Variants in ADAM18 observed in about 807,000 individuals in gnomAD.
ADAM18 encodes the protein disintegrin and metalloproteinase domain-containing protein 18.
In ADAM18, 117 loss-of-function variants were observed where a neutral mutation model predicts 94.4. That is an observed-to-expected ratio of 1.24 (90% CI 1.07 to 1.45). ADAM18 has a LOEUF of 1.45. ADAM18 is among the 40% of genes most tolerant of loss of function. The pLI is 0.00. For missense variants in ADAM18, 936 were observed against 880.0 expected, an observed-to-expected ratio of 1.06 and a Z score of -0.81; for synonymous variants, 327 against 291.6, an observed-to-expected ratio of 1.12 and a Z score of -1.24.
intron 17 of ADAM18, among the ~76,000 whole-genome samples, chr8:39,706,503 T>C (rs760355521): frequency 7.2e-5 from 11 of 152,146 alleles, no homozygotes; most frequent in African/African-American, 1.4e-4. Flanking sequence ...ATATGAAGAC[T>C]ACAACTTTAT....
rs116646791 is a variant in ADAM18, at chr8:39,707,036, A to G, written c.2017+132A>G. On this transcript the variant is annotated intron_variant, in intron 18 of 19. Coordinates refer to ENST00000265707, the MANE Select transcript of ADAM18 (RefSeq NM_014237.3). ...GTCCCTCCTTATTTGTGGGGGATAC[A>G]TTCTAAAACCCTCAGTGGATGCCTG... 504 of 572,172 alleles carry G rather than the reference A, an allele frequency of 8.8e-4. 2 individuals carry two copies. The highest frequency in any genetic ancestry group is 8.2e-3 in the African/African-American group (439 of 53,616). 35.4% of individuals were successfully genotyped at this position (572,172 alleles called of 1,614,324 possible). A position where few individuals can be genotyped will look rare whatever the true frequency, so the allele number is the denominator to read the frequency against.
intron 12 of ADAM18, among the ~76,000 whole-genome samples, chr8:39,649,725 T>A (rs1292292779): frequency 2.0e-5 from 3 of 152,140 alleles, no homozygotes; most frequent in African/African-American, 7.2e-5. Flanking sequence ...GTTACCTCAG[T>A]GGTATGTGCA....
At chr8:39,673,327 T>C (rs1320759308) in intron 14 of ADAM18, among the ~76,000 whole-genome samples, 2 of 152,138 alleles carry the variant, frequency 1.3e-5, no homozygotes, top group Non-Finnish European at 2.9e-5. Context: ...TTATTATTAT[T>C]ATTTATTGTA....
At chr8:39,725,570 AT>A (rs1822880201) in intron 19 of ADAM18, among the ~76,000 whole-genome samples, 3 of 152,146 alleles carry the variant, frequency 2.0e-5, no homozygotes, top group African/African-American at 7.2e-5. Flanking sequence ...GAGTCCACAT[AT>A]AGTTAAGATC....
At chr8:39,606,867 G>C (rs930233033) in intron 3 of ADAM18, among the ~76,000 whole-genome samples, 2 of 152,142 alleles carry the variant, frequency 1.3e-5, no homozygotes, top group African/African-American at 4.8e-5. Flanking sequence ...TTCTCTGGCG[G>C]GCAGGGGCGG....
At chr8:39,659,879 A>G (rs1180493548) in intron 12 of ADAM18, among the ~76,000 whole-genome samples, 1 of 152,130 alleles carries the variant, frequency 6.6e-6, no homozygotes, top group Non-Finnish European at 1.5e-5. Context: ...TATTCCCACA[A>G]CATAATAAAG....
At chr8:39,686,966 A>C (rs1012865794) in intron 16 of ADAM18, among the ~76,000 whole-genome samples, 1 of 152,196 alleles carries the variant, frequency 6.6e-6, no homozygotes, top group African/African-American at 2.4e-5. Context: ...TCATCACAGG[A>C]TGTTGACCAC....
chr8:39,679,702 C>T (rs1821389875), intron 15 of ADAM18, among the ~76,000 whole-genome samples: 1 of 152,106 alleles, frequency 6.6e-6, no homozygotes, highest in African/African-American at 2.4e-5. Context: ...AGTGACCAGG[C>T]TGGCCAAGCT....
Position 39,679,972 on chromosome 8 carries a change from C to T in ADAM18, c.1632-65C>T, listed in dbSNP as rs1023883504. On this transcript the variant is annotated intron_variant, in intron 15 of 19. Coordinates refer to ENST00000265707, the MANE Select transcript of ADAM18 (RefSeq NM_014237.3). ...AACAGTATGTTACCATTATGCAGTA[C>T]TCACTTGGAACTTGTTATCATTAAG... is the stretch of plus-strand genomic sequence containing the variant. 8.3e-5 allele frequency: 124 copies of T among 1,491,708 alleles called. No individual in the cohort carries two copies. In the Middle Eastern group the frequency reaches 1.7e-3, roughly 21 times the overall value. The allele number at this position is 1,491,708 out of a possible 1,614,324, so 92.4% of individuals were successfully genotyped here.
At chr8:39,621,984 A>T (rs1478137444) in intron 6 of ADAM18, among the ~76,000 whole-genome samples, 1 of 152,166 alleles carries the variant, frequency 6.6e-6, no homozygotes, top group Admixed American at 6.6e-5. Flanking sequence ...GCTGGCCTTA[A>T]TACTTGGGTG....
chr8:39,630,225 T>G (rs1178770934), intron 7 of ADAM18, among the ~76,000 whole-genome samples: 2 of 151,748 alleles, frequency 1.3e-5, no homozygotes, highest in Non-Finnish European at 2.9e-5. Context: ...TATTTATTTT[T>G]AAAATTAGTA....
At chr8:39,675,834 T>A (rs1052782870) in intron 14 of ADAM18, among the ~76,000 whole-genome samples, 1 of 152,194 alleles carries the variant, frequency 6.6e-6, no homozygotes, top group African/African-American at 2.4e-5. Flanking sequence ...TTTGTTGACA[T>A]TGATGCTATT....
intron 17 of ADAM18, among the ~76,000 whole-genome samples, chr8:39,705,842 T>A (rs1242115705): frequency 2.0e-5 from 3 of 152,164 alleles, no homozygotes; most frequent in Admixed American, 6.5e-5. Context: ...AGTCTAATTT[T>A]AAAAATGTGC....
chr8:39,627,679 G>A (rs560468107), intron 6 of ADAM18, among the ~76,000 whole-genome samples: 1 of 152,020 alleles, frequency 6.6e-6, no homozygotes, highest in South Asian at 2.1e-4. Flanking sequence ...CTGCAAATCT[G>A]TGTCTTCTAA....
At chr8:39,678,725 C>G (rs182828167) in intron 15 of ADAM18, among the ~76,000 whole-genome samples, 1 of 152,036 alleles carries the variant, frequency 6.6e-6, no homozygotes, top group Non-Finnish European at 1.5e-5. Context: ...TAAAAGAAAC[C>G]TGGAAGAAAT....
chr8:39,649,380 GTATATATA>G (rs149372125), intron 12 of ADAM18, among the ~76,000 whole-genome samples: 1 of 150,060 alleles, frequency 6.7e-6, no homozygotes, highest in African/African-American at 2.4e-5. Flanking sequence ...ACACATACAT[GTATATATA>G]TATATATGTT....
intron 5 of ADAM18, among the ~76,000 whole-genome samples, chr8:39,610,234 A>G (rs1045191704): frequency 6.6e-6 from 1 of 152,106 alleles, no homozygotes; most frequent in Admixed American, 6.6e-5. Context: ...TTTTTCCTGG[A>G]ATTCTCAACA....
intron 12 of ADAM18, among the ~76,000 whole-genome samples, chr8:39,659,522 A>ACTATCT (rs1820775093): frequency 2.6e-5 from 4 of 152,164 alleles, no homozygotes; most frequent in African/African-American, 9.6e-5. Context: ...TGAACTTAAT[A>ACTATCT]TAATCAATGA....
chr8:39,597,733 C>T (rs547209106), intron 2 of ADAM18, among the ~76,000 whole-genome samples: 1 of 152,216 alleles, frequency 6.6e-6, no homozygotes, highest in East Asian at 1.9e-4. Flanking sequence ...CTTTGTATTT[C>T]TCTTTTAGTA....
Sources: allele counts gnomAD v4.1 joint callset (sites outside exome capture counted in the v4.1 genomes callset), GRCh38; gene constraint gnomAD v4.1.1; transcripts MANE v1.5; gene names NCBI Gene and HGNC (gene_info 2026-07-23, HGNC 2026-07-21).